Variants in FSTL5 observed in about 807,000 individuals in gnomAD.
FSTL5 encodes the protein follistatin like 5.
In FSTL5, 62 loss-of-function variants were observed where a neutral mutation model predicts 89.1. The ratio of observed to expected loss-of-function variants is 0.70; its 90% CI spans 0.57 to 0.86. The LOEUF is 0.86. Among genes scored for constraint, FSTL5 ranks in the 40% least tolerant of loss-of-function variants. FSTL5 has a pLI of 0.00. For synonymous variants in FSTL5, 383 were observed against 346.2 expected (o/e 1.11, Z -1.18); for missense variants, 1,057 against 1,001.6 (o/e 1.06, Z -0.75).
At position 162,100,344 on chromosome 4, in the gene FSTL5, A is replaced by G. The variant is rs148558957; in HGVS notation, c.126+10927T>C. On this transcript the variant is annotated intron_variant, in intron 2 of 15. Transcript: ENST00000306100. ...GGGAGGCCGAGGCGGGTGGATCACA[A>G]GGTCAGGAGATCGAGACCATCCTGG... Among the ~76,000 whole-genome samples, 295 of 152,240 alleles carry G rather than the reference A, an allele frequency of 1.9e-3. 1 individual carries two copies. The highest frequency in any genetic ancestry group is 6.8e-3 in the African/African-American group (284 of 41,564).
intron 6 of FSTL5, among the ~76,000 whole-genome samples, chr4:161,709,291 G>A (rs1316112866): frequency 6.6e-6 from 1 of 151,932 alleles, no homozygotes; most frequent in East Asian, 1.9e-4. Flanking sequence ...AATTTCAAAG[G>A]CATAAATGAA....
chr4:161,425,889 G>A (rs1449743593), intron 15 of FSTL5, among the ~76,000 whole-genome samples: 2 of 150,976 alleles, frequency 1.3e-5, no homozygotes, highest in Non-Finnish European at 1.5e-5. Context: ...TGAGGCAACC[G>A]CTTCTCTCTC....
At chr4:161,636,339 A>T (rs187138392) in intron 7 of FSTL5, among the ~76,000 whole-genome samples, 88 of 152,202 alleles carry the variant, frequency 5.8e-4, no homozygotes, top group African/African-American at 2.1e-3. Context: ...TAAGAATCAA[A>T]TATAACTGTT....
intron 15 of FSTL5, among the ~76,000 whole-genome samples, chr4:161,414,020 A>G (rs546506702): frequency 2.0e-5 from 3 of 152,312 alleles, no homozygotes; most frequent in African/African-American, 7.2e-5. Flanking sequence ...GTCACTCCAT[A>G]TTCCCAAGTA....
intron 7 of FSTL5, among the ~76,000 whole-genome samples, chr4:161,607,081 T>C (rs1734472650): frequency 6.6e-6 from 1 of 152,170 alleles, no homozygotes; most frequent in South Asian, 2.1e-4. Flanking sequence ...AATGTATACA[T>C]ACTGACAGTT....
chr4:161,489,986 T>G (rs1451522484), intron 12 of FSTL5, among the ~76,000 whole-genome samples: 2 of 152,132 alleles, frequency 1.3e-5, no homozygotes, highest in Non-Finnish European at 2.9e-5. Context: ...TTAGTGGGTA[T>G]TTTTTATTTC....
At chr4:162,114,348 C>G (rs1481650127) in intron 1 of FSTL5, among the ~76,000 whole-genome samples, 1 of 152,186 alleles carries the variant, frequency 6.6e-6, no homozygotes, top group Non-Finnish European at 1.5e-5. Flanking sequence ...CTGAATACAT[C>G]TGCTGCTTCT....
intron 6 of FSTL5, among the ~76,000 whole-genome samples, chr4:161,694,846 T>TA: frequency 1.3e-5 from 2 of 148,442 alleles, no homozygotes; most frequent in Admixed American, 1.4e-4. Flanking sequence ...AAATGCCTTT[T>TA]TTTTTTTTTT....
chr4:161,991,798 A>C (rs74638798), intron 3 of FSTL5, among the ~76,000 whole-genome samples: 8,367 of 152,270 alleles, frequency 0.055, 267 homozygotes, highest in Non-Finnish European at 0.077. Flanking sequence ...TGAAAAGGCT[A>C]TGATGAAGGA....
At chr4:161,508,969 T>G (rs1445502761) in intron 11 of FSTL5, among the ~76,000 whole-genome samples, 1 of 152,168 alleles carries the variant, frequency 6.6e-6, no homozygotes, top group Admixed American at 6.5e-5. Flanking sequence ...AAATCAATTT[T>G]TAAAATGCTC....
At chr4:161,661,083 A>G (rs563225772) in intron 6 of FSTL5, among the ~76,000 whole-genome samples, 10 of 152,322 alleles carry the variant, frequency 6.6e-5, no homozygotes, top group Admixed American at 6.5e-4. Flanking sequence ...CAATGACCTC[A>G]TATTATGTGA....
At chr4:161,827,648 G>T (rs185370615) in intron 4 of FSTL5, among the ~76,000 whole-genome samples, 100 of 152,278 alleles carry the variant, frequency 6.6e-4, no homozygotes, top group African/African-American at 2.3e-3. Context: ...GAAGATGGGG[G>T]CATGGTTCTC....
At chr4:161,623,722 T>A (rs892105839) in intron 7 of FSTL5, among the ~76,000 whole-genome samples, 17 of 151,958 alleles carry the variant, frequency 1.1e-4, no homozygotes, top group Non-Finnish European at 2.1e-4. Context: ...TGGCATGATA[T>A]GATACTTCAA....
At chr4:161,977,778 C>A (rs547702879) in intron 3 of FSTL5, among the ~76,000 whole-genome samples, 1 of 151,576 alleles carries the variant, frequency 6.6e-6, no homozygotes, top group Non-Finnish European at 1.5e-5. Flanking sequence ...TATAAGTGAA[C>A]CCACTATCCC....
intron 7 of FSTL5, among the ~76,000 whole-genome samples, chr4:161,653,657 A>T (rs1736414174): frequency 6.6e-6 from 1 of 152,186 alleles, no homozygotes; most frequent in Non-Finnish European, 1.5e-5. Flanking sequence ...TAAAGTCCTT[A>T]TTAGCAAATT....
At chr4:162,159,486 T>C (rs1337486971) in intron 1 of FSTL5, among the ~76,000 whole-genome samples, 1 of 152,088 alleles carries the variant, frequency 6.6e-6, no homozygotes, top group Non-Finnish European at 1.5e-5. Flanking sequence ...TTTAGAGATG[T>C]ATGTAATTTA....
intron 7 of FSTL5, among the ~76,000 whole-genome samples, chr4:161,643,474 T>TC (rs1467294219): frequency 6.6e-6 from 1 of 151,896 alleles, no homozygotes; most frequent in Non-Finnish European, 1.5e-5. Context: ...TAACGGAGTT[T>TC]TTTTTTTTTC....
At chr4:161,789,895 G>A (rs972953894) in intron 4 of FSTL5, among the ~76,000 whole-genome samples, 1 of 152,152 alleles carries the variant, frequency 6.6e-6, no homozygotes, top group African/African-American at 2.4e-5. Context: ...AATCCAGATA[G>A]AAAGCATATA....
intron 7 of FSTL5, among the ~76,000 whole-genome samples, chr4:161,623,706 T>G (rs2126648689): frequency 6.6e-6 from 1 of 152,062 alleles, no homozygotes; most frequent in Non-Finnish European, 1.5e-5. Context: ...TATCTAAAAC[T>G]ATTTCTGGCA....
Sources: gnomAD v4.1 joint callset for allele counts (sites outside exome capture counted in the v4.1 genomes callset) on GRCh38, gnomAD v4.1.1 for gene constraint, MANE v1.5 for transcripts, NCBI Gene and HGNC (gene_info 2026-07-23, HGNC 2026-07-21) for gene names.